OSBPL10: variants seen among roughly 807,000 people sequenced by gnomAD.
OSBPL10 encodes the protein oxysterol binding protein like 10, also known as oxysterol-binding protein-related protein 10.
OSBPL10 carries 49 observed loss-of-function variants against 81.7 expected under a neutral mutation model. The observed-to-expected ratio is 0.60, with a 90% CI of 0.48 to 0.76. OSBPL10 has a LOEUF of 0.76. Ranked by LOEUF, OSBPL10 falls within the 30% of genes least tolerant of loss-of-function variation. The probability of loss-of-function intolerance (pLI) is 0.00; values close to 1 mark genes in which losing one functional copy is unlikely to be tolerated. For synonymous variants in OSBPL10, 419 were observed against 383.6 expected (o/e 1.09, Z -1.08); for missense variants, 923 against 987.8 (o/e 0.93, Z 0.88).
chr3:31,754,610 C>A (rs1384311285), intron 4 of OSBPL10, among the ~76,000 whole-genome samples: 1 of 152,090 alleles, frequency 6.6e-6, no homozygotes, highest in Non-Finnish European at 1.5e-5. Context: ...ACCACTAGGT[C>A]GTCAATGAGC....
intron 3 of OSBPL10, among the ~76,000 whole-genome samples, chr3:31,832,529 G>GTGT (rs1271961274): frequency 6.6e-6 from 1 of 152,148 alleles, no homozygotes; most frequent in East Asian, 1.9e-4. Flanking sequence ...AATATCTACT[G>GTGT]TGTAGTGTCA....
intron 4 of OSBPL10, among the ~76,000 whole-genome samples, chr3:31,758,487 C>A (rs905512453): frequency 6.6e-6 from 1 of 152,186 alleles, no homozygotes; most frequent in Non-Finnish European, 1.5e-5. Flanking sequence ...TAAACAGAAA[C>A]CAGCCCTTTC....
At chr3:31,726,606 A>T (rs3792541) in intron 6 of OSBPL10, among the ~76,000 whole-genome samples, 14,674 of 151,822 alleles carry the variant, frequency 0.097, 1,775 homozygotes, top group African/African-American at 0.28. Flanking sequence ...GAGCCACCGC[A>T]CCTGACCTCA....
chr3:31,767,277 G>A (rs147536010), intron 4 of OSBPL10, among the ~76,000 whole-genome samples: 42 of 152,170 alleles, frequency 2.8e-4, no homozygotes, highest in African/African-American at 9.2e-4. Flanking sequence ...CTTCTCCCAC[G>A]ACCATCACTA....
chr3:31,931,386 C>A (rs143719290), intron 1 of OSBPL10, among the ~76,000 whole-genome samples: 2 of 152,294 alleles, frequency 1.3e-5, no homozygotes, highest in African/African-American at 4.8e-5. Context: ...TGGACACACT[C>A]CAAGTCCTTA....
chr3:31,950,940 C>G (rs7609642), intron 1 of OSBPL10, among the ~76,000 whole-genome samples: 37,219 of 152,070 alleles, frequency 0.24, 6,442 homozygotes, highest in African/African-American at 0.47. Context: ...ACAGTCTTCA[C>G]AACCATGAGC....
At position 32,030,550 on chromosome 3, in the gene OSBPL10, G is replaced by C. The variant is rs1015057540; in HGVS notation, n.298+15941C>G. ...GGAAAATGATCAGAAAAAGAAAGAAGCCAAAGACAAACGTACCTGGGTTCA... is the reference window on the plus strand; with the variant it reads ...GGAAAATGATCAGAAAAAGAAAGAACCCAAAGACAAACGTACCTGGGTTCA... On this transcript the variant is annotated intron_variant and non_coding_transcript_variant, in intron 2 of 3. Transcript: ENST00000479173. 5.2e-6 allele frequency: 4 copies of C among 768,514 alleles called. No individual in the cohort carries two copies. The African/African-American group carries it at 6.8e-5, about 13-fold the overall frequency. 47.6% of individuals were successfully genotyped at this position (768,514 alleles called of 1,614,324 possible).
intron 8 of OSBPL10, among the ~76,000 whole-genome samples, chr3:31,675,474 C>A (rs1046236803): frequency 1.3e-5 from 2 of 152,200 alleles, no homozygotes; most frequent in African/African-American, 4.8e-5. Flanking sequence ...ATCTGTGATG[C>A]AGAGATAATG....
chr3:31,753,849 T>A (rs577424618), intron 4 of OSBPL10, among the ~76,000 whole-genome samples: 1 of 152,282 alleles, frequency 6.6e-6, no homozygotes, highest in South Asian at 2.1e-4. Flanking sequence ...GACCTTGCCT[T>A]CCCCGCTTGG....
At position 31,785,336 on chromosome 3, in the gene OSBPL10, C is replaced by T. The variant is rs74961677; in HGVS notation, c.730-37216G>A. On this transcript the variant is annotated intron_variant, in intron 4 of 11. Coordinates refer to ENST00000396556, the MANE Select transcript of OSBPL10 (RefSeq NM_017784.5). ...AAACTAACTGTAACTGAATAAAACA[C>T]GCTAACTTGAAAGAAAAGAGTATAC... Among the ~76,000 whole-genome samples the T allele has an allele frequency of 1.7e-3, 265 of 152,204 alleles. 2 individuals carry two copies. The highest frequency in any genetic ancestry group is 5.5e-3 in the African/African-American group (228 of 41,508).
At chr3:32,059,936 A>C (rs1699742697) in intron 1 of OSBPL10, among the ~76,000 whole-genome samples, 1 of 152,058 alleles carries the variant, frequency 6.6e-6, no homozygotes, top group South Asian at 2.1e-4. Context: ...AAACAGGCTA[A>C]ATTAATATAG....
At chr3:31,809,931 G>C (rs1316270830) in intron 4 of OSBPL10, among the ~76,000 whole-genome samples, 1 of 139,516 alleles carries the variant, frequency 7.2e-6, no homozygotes, top group South Asian at 2.3e-4. Context: ...GAATGCAATG[G>C]AGTGATCTCG....
At chr3:31,839,083 T>C (rs1017637144) in intron 3 of OSBPL10, among the ~76,000 whole-genome samples, 4 of 152,224 alleles carry the variant, frequency 2.6e-5, no homozygotes, top group East Asian at 3.8e-4. Context: ...GCAAAAGCTA[T>C]GAATGCAGTA....
At chr3:31,931,548 G>C (rs1030424718) in intron 1 of OSBPL10, among the ~76,000 whole-genome samples, 2 of 152,190 alleles carry the variant, frequency 1.3e-5, no homozygotes, top group Non-Finnish European at 2.9e-5. Flanking sequence ...AGTGGAAGCT[G>C]ACTGCTTACA....
At chr3:31,767,793 C>T (rs1698246652) in intron 4 of OSBPL10, among the ~76,000 whole-genome samples, 1 of 152,168 alleles carries the variant, frequency 6.6e-6, no homozygotes, top group East Asian at 1.9e-4. Flanking sequence ...GGTGAAAATG[C>T]TCTGCTTCAG....
chr3:31,847,307 G>A (rs1182218606), intron 3 of OSBPL10, among the ~76,000 whole-genome samples: 6 of 151,468 alleles, frequency 4.0e-5, no homozygotes, highest in Admixed American at 3.3e-4. Context: ...AGCAATTCTC[G>A]TGCCTCGGCC....
At chr3:31,766,142 G>C (rs768731688) in intron 4 of OSBPL10, among the ~76,000 whole-genome samples, 10 of 151,976 alleles carry the variant, frequency 6.6e-5, no homozygotes, top group African/African-American at 2.4e-4. Flanking sequence ...TCCTAATTCA[G>C]ATGAGAGAAA....
At chr3:31,895,134 CTT>C (rs10529845) in intron 1 of OSBPL10, among the ~76,000 whole-genome samples, 4,350 of 124,786 alleles carry the variant, frequency 0.035, 205 homozygotes, top group East Asian at 0.18. Context: ...TCTCTGCGGC[CTT>C]TTTTTTTTTT....
At chr3:32,051,878 G>C (rs989127281) in intron 1 of OSBPL10, among the ~76,000 whole-genome samples, 4 of 152,128 alleles carry the variant, frequency 2.6e-5, no homozygotes, top group African/African-American at 9.7e-5. Flanking sequence ...CAAATGTTTT[G>C]TCAGAAAAAT....
Sources: gnomAD v4.1 joint callset for allele counts (sites outside exome capture counted in the v4.1 genomes callset) on GRCh38, gnomAD v4.1.1 for gene constraint, MANE v1.5 for transcripts, NCBI Gene and HGNC (gene_info 2026-07-23, HGNC 2026-07-21) for gene names.